FHIP1A: variants seen among roughly 807,000 people sequenced by gnomAD.
The protein encoded by FHIP1A is FHF complex subunit HOOK-interacting protein 1A.
FHIP1A carries 61 observed loss-of-function variants against 88.6 expected under a neutral mutation model. That is an observed-to-expected ratio of 0.69 (90% CI 0.56 to 0.85). FHIP1A has a LOEUF of 0.85. Among genes scored for constraint, FHIP1A ranks in the 40% least tolerant of loss-of-function variants. The pLI, the probability that FHIP1A is intolerant of heterozygous loss-of-function variation, is 0.00. For missense variants in FHIP1A, 1,154 were observed against 1,273.5 expected (o/e 0.91, Z 1.43); for synonymous variants, 478 against 496.0 (o/e 0.96, Z 0.48).
At chr4:151,662,049 G>A (rs1737477918) in intron 13 of FHIP1A, among the ~76,000 whole-genome samples, 1 of 152,244 alleles carries the variant, frequency 6.6e-6, no homozygotes, top group Admixed American at 6.5e-5. Flanking sequence ...CAGCCTCCCT[G>A]CTGGAGCTAT....
intron 3 of FHIP1A, among the ~76,000 whole-genome samples, chr4:151,536,391 G>A (rs1370960194): frequency 6.6e-6 from 1 of 152,148 alleles, no homozygotes; most frequent in Non-Finnish European, 1.5e-5. Context: ...ATATTGAATA[G>A]TTCCAACACT....
At chr4:151,451,362 G>A (rs1489358287) in intron 1 of FHIP1A, among the ~76,000 whole-genome samples, 2 of 152,030 alleles carry the variant, frequency 1.3e-5, no homozygotes, top group Non-Finnish European at 2.9e-5. Context: ...GATCATCTAT[G>A]TTTTCTAATG....
intron 2 of FHIP1A, among the ~76,000 whole-genome samples, chr4:151,476,433 G>T (rs1729708752): frequency 6.6e-6 from 1 of 152,076 alleles, no homozygotes; most frequent in Non-Finnish European, 1.5e-5. Context: ...ACAGTTGTGA[G>T]CCATTGCACC....
intron 9 of FHIP1A, among the ~76,000 whole-genome samples, chr4:151,645,036 C>G (rs751027483): frequency 6.6e-6 from 1 of 152,198 alleles, no homozygotes; most frequent in Non-Finnish European, 1.5e-5. Flanking sequence ...GCTAAAGTCC[C>G]CAAAACTAAG....
chr4:151,560,734 A>G (rs1339348878), intron 3 of FHIP1A, among the ~76,000 whole-genome samples: 2 of 152,180 alleles, frequency 1.3e-5, no homozygotes, highest in African/African-American at 4.8e-5. Flanking sequence ...GGTTTCAACA[A>G]ATCACCCTAT....
intron 7 of FHIP1A, among the ~76,000 whole-genome samples, chr4:151,612,131 C>A (rs563240418): frequency 5.3e-5 from 8 of 152,288 alleles, no homozygotes; most frequent in African/African-American, 1.9e-4. Context: ...AAGCTTGGAC[C>A]TAACCCAGAT....
chr4:151,616,023 A>G, intron 7 of FHIP1A, among the ~76,000 whole-genome samples: 1 of 152,174 alleles, frequency 6.6e-6, no homozygotes, highest in Non-Finnish European at 1.5e-5. Flanking sequence ...GTGTGTTGCC[A>G]TGAGTTTGTC....
At chr4:151,594,156 G>A (rs181534854) in intron 7 of FHIP1A, among the ~76,000 whole-genome samples, 12 of 151,608 alleles carry the variant, frequency 7.9e-5, no homozygotes, top group African/African-American at 2.7e-4. Flanking sequence ...TCCTGGATTC[G>A]GCATTGCCAG....
intron 3 of FHIP1A, among the ~76,000 whole-genome samples, chr4:151,526,147 A>G (rs1235507453): frequency 6.6e-6 from 1 of 152,198 alleles, no homozygotes; most frequent in Non-Finnish European, 1.5e-5. Context: ...AAAGTCTCCC[A>G]TGTCTACCTC....
chr4:151,465,379 A>G (rs1394589236), intron 2 of FHIP1A, among the ~76,000 whole-genome samples: 2 of 152,208 alleles, frequency 1.3e-5, no homozygotes, highest in East Asian at 3.8e-4. Flanking sequence ...GGCAGTAATT[A>G]ATAGCCTACC....
chr4:151,660,374 G>A lies in FHIP1A; in HGVS notation c.2870-2127G>A, dbSNP rs573578941. 3.7e-4 allele frequency among the ~76,000 whole-genome samples: 56 copies of A among 152,290 alleles called. No homozygotes were observed. The South Asian group carries it at 0.011, about 31-fold the overall frequency. ...TTCACAGATCAAGCTAGACAAATGA[G>A]TCACAAAACCCCTTTTTAGGGGGGA... On this transcript the variant is annotated intron_variant, in intron 13 of 13. Coordinates refer to ENST00000435205, the MANE Select transcript of FHIP1A (RefSeq NM_001109977.3).
intron 2 of FHIP1A, among the ~76,000 whole-genome samples, chr4:151,468,284 C>CAAAAA (rs921242622): frequency 1.6e-4 from 6 of 38,266 alleles, no homozygotes; most frequent in South Asian, 1.1e-3. Flanking sequence ...GACTCCATCT[C>CAAAAA]AAAAAAAAAA....
chr4:151,440,029 C>T (rs1246299460), intron 1 of FHIP1A, among the ~76,000 whole-genome samples: 4 of 152,148 alleles, frequency 2.6e-5, no homozygotes, highest in African/African-American at 9.7e-5. Flanking sequence ...GTTTAATTGA[C>T]TCACAGTTCT....
At chr4:151,532,184 C>T (rs1238544939) in intron 3 of FHIP1A, among the ~76,000 whole-genome samples, 1 of 152,070 alleles carries the variant, frequency 6.6e-6, no homozygotes, top group Non-Finnish European at 1.5e-5. Flanking sequence ...AGCTCAGAGT[C>T]TTCATTATTT....
chr4:151,629,180 C>G (rs1736060937), intron 7 of FHIP1A, among the ~76,000 whole-genome samples: 1 of 152,208 alleles, frequency 6.6e-6, no homozygotes, highest in Non-Finnish European at 1.5e-5. Context: ...ATCTGTAGCA[C>G]TTTGTGTCTG....
At chr4:151,467,494 A>C (rs1729361279) in intron 2 of FHIP1A, among the ~76,000 whole-genome samples, 1 of 152,248 alleles carries the variant, frequency 6.6e-6, no homozygotes, top group South Asian at 2.1e-4. Flanking sequence ...AAAGGATTAT[A>C]AATCACTCTA....
chr4:151,551,331 T>C (rs1045566425), intron 3 of FHIP1A, among the ~76,000 whole-genome samples: 1 of 152,190 alleles, frequency 6.6e-6, no homozygotes, highest in Non-Finnish European at 1.5e-5. Context: ...AGGAAAAAAC[T>C]ACTTTAAAGT....
intron 3 of FHIP1A, among the ~76,000 whole-genome samples, chr4:151,525,451 G>T (rs1459493105): frequency 1.3e-5 from 2 of 152,236 alleles, no homozygotes; most frequent in Non-Finnish European, 2.9e-5. Flanking sequence ...AGAGCAGCCA[G>T]GCTCATCTGA....
At chr4:151,645,159 C>G (rs1393970973) in intron 9 of FHIP1A, among the ~76,000 whole-genome samples, 3 of 152,130 alleles carry the variant, frequency 2.0e-5, no homozygotes, top group African/African-American at 7.2e-5. Flanking sequence ...ATCAGACCTG[C>G]AGGGTGTGTC....
Sources: gnomAD v4.1 joint callset for allele counts (sites outside exome capture counted in the v4.1 genomes callset) on GRCh38, gnomAD v4.1.1 for gene constraint, MANE v1.5 for transcripts, NCBI Gene and HGNC (gene_info 2026-07-23, HGNC 2026-07-21) for gene names.